The following SHROOM2 variants were observed in gnomAD, a reference collection of about 807,000 sequenced individuals.
SHROOM2 encodes the protein protein Shroom2.
A neutral mutation model predicts 75.9 loss-of-function variants in SHROOM2; 33 were observed. The observed-to-expected ratio is 0.43, with a 90% CI of 0.33 to 0.58. SHROOM2 has a LOEUF of 0.58. SHROOM2 is among the 20% of genes least tolerant of loss of function. The pLI, the probability that SHROOM2 is intolerant of heterozygous loss-of-function variation, is 0.04. For missense variants in SHROOM2, 1,434 were observed against 1,461.2 expected, an observed-to-expected ratio of 0.98 and a Z score of 0.30; for synonymous variants, 655 against 663.6, an observed-to-expected ratio of 0.99 and a Z score of 0.20.
chrX:9,896,348 C>G lies in SHROOM2; in HGVS notation c.2440C>G (p.Gln814Glu). ...CAAACCTGTTCCCCAGAGGCCTGCC[C>G]AGAAGCAAGCTCTTCACGGAATCCC... ...TSKPVPQRPA[Q>E]KQALHGIPRD... The change falls in exon 4 of 10, where the codon CAG (glutamine) becomes GAG (glutamate). Residue 814 changes from glutamine (Q) to glutamate (E), a missense_variant. Around this residue, in one of 3 missense-constraint regions of SHROOM2, gnomAD observed 1,340 missense variants for 1,338.3 expected, o/e 1.00. Transcript: ENST00000380913. The G allele has an allele frequency of 1.6e-6, 2 of 1,212,243 alleles. No homozygotes were observed. The highest frequency in any genetic ancestry group is 4.3e-5 in the Admixed American group (2 of 46,118).
chrX:9,900,505 A>G (rs1048839499), intron 5 of SHROOM2, among the ~76,000 whole-genome samples: 1 of 112,509 alleles, frequency 8.9e-6, no homozygotes, highest in Non-Finnish European at 1.9e-5. Context: ...GATGCGTAGC[A>G]AAAAGTATGT....
At chrX:9,838,655 A>C in intron 1 of SHROOM2, among the ~76,000 whole-genome samples, 1 of 111,943 alleles carries the variant, frequency 8.9e-6, no homozygotes, top group Non-Finnish European at 1.9e-5. Flanking sequence ...CACCCGAGTT[A>C]AGCAAGCAAG....
intron 1 of SHROOM2, among the ~76,000 whole-genome samples, chrX:9,803,106 GT>G (rs1183960163): frequency 0.12 from 11,125 of 92,892 alleles, 1,899 homozygotes; most frequent in African/African-American, 0.42. Flanking sequence ...TTGGTTTTTT[GT>G]TTTTTTTTTT....
chrX:9,919,324 C>CTTTTTTT (rs55905923), intron 5 of SHROOM2, among the ~76,000 whole-genome samples: 3 of 32,456 alleles, frequency 9.2e-5, no homozygotes, highest in African/African-American at 4.0e-4. Context: ...GAGGAGGTTG[C>CTTTTTTT]TTTTTTTTTT....
intron 5 of SHROOM2, among the ~76,000 whole-genome samples, chrX:9,916,167 A>G (rs1189341514): frequency 8.9e-6 from 1 of 112,322 alleles, no homozygotes; most frequent in Non-Finnish European, 1.9e-5. Context: ...AAGCAGAGTG[A>G]GGATATTAAC....
At chrX:9,844,611 G>C (rs751699945) in intron 1 of SHROOM2, among the ~76,000 whole-genome samples, 1 of 111,052 alleles carries the variant, frequency 9.0e-6, no homozygotes, top group Non-Finnish European at 1.9e-5. Context: ...TCAGGAGTTC[G>C]AGACCAGCCT....
intron 2 of SHROOM2, among the ~76,000 whole-genome samples, chrX:9,874,163 T>G (rs1004218057): frequency 4.5e-5 from 5 of 111,970 alleles, no homozygotes; most frequent in Non-Finnish European, 7.5e-5. Flanking sequence ...CTTTCTGTTT[T>G]CATGCTAGAA....
intron 5 of SHROOM2, among the ~76,000 whole-genome samples, chrX:9,923,679 A>T (rs1454368823): frequency 8.9e-6 from 1 of 112,126 alleles, no homozygotes; most frequent in Non-Finnish European, 1.9e-5. Flanking sequence ...GCACAGAGAC[A>T]ATAGAGGCCT....
rs1334647268 is a variant in SHROOM2 at position 9,898,273 on chromosome X, G to A, written c.2874G>A (p.Glu958=). 1.3e-5 allele frequency: 15 copies of A among 1,175,812 alleles called. No individual in the cohort carries two copies. Among genetic ancestry groups the A allele is most frequent in the Non-Finnish European group, 1.7e-5 (15 of 875,836 alleles). ...TTCCCTCCGCAGTCCGGGCCGAGGA[G>A]GGACAGTCCACGCCGAGGTGGGTGA... is the stretch of plus-strand genomic sequence containing the variant. ...EELPSAVRAE[E]GQSTPRQADA... Residue 958 remains glutamate (E), a synonymous_variant, in exon 5 of 10, where the codon GAG becomes GAA. Transcript: ENST00000380913.
chrX:9,786,634 A>T lies in SHROOM2; in HGVS notation c.89A>T (p.Gln30Leu), dbSNP rs1449829267. Residue 30 changes from glutamine (Q) to leucine (L), a missense_variant, in exon 1 of 10, where the codon CAG (glutamine) becomes CTG (leucine). This residue lies in a region of SHROOM2 where 1,340 missense variants were observed against 1,338.3 expected (regional missense o/e 1.00). Coordinates refer to ENST00000380913, the MANE Select transcript of SHROOM2 (RefSeq NM_001649.4). ...GACGGCGGGCGCCTGGTGGAGGTGC[A>T]GCTGAGCGGCGGCGCCCCGTGGGGC... ...AADGGRLVEV[Q>L]LSGGAPWGFT... The T allele has an allele frequency of 2.3e-6, 2 of 882,865 alleles. No individual in the cohort carries two copies. Among genetic ancestry groups the T allele is most frequent in the African/African-American group, 2.1e-5 (1 of 46,787 alleles). The allele number at this position is 882,865 out of a possible 1,213,427, so 72.8% of individuals were successfully genotyped here.
At chrX:9,808,706 A>G (rs1368005659) in intron 1 of SHROOM2, among the ~76,000 whole-genome samples, 2 of 110,419 alleles carry the variant, frequency 1.8e-5, no homozygotes, top group African/African-American at 6.6e-5. Context: ...CACTAAAAAT[A>G]CAAAAATTAG....
chrX:9,885,749 G>A (rs2084257368), intron 2 of SHROOM2, among the ~76,000 whole-genome samples: 1 of 110,608 alleles, frequency 9.0e-6, no homozygotes, highest in African/African-American at 3.3e-5. Context: ...GAGCCCAGGA[G>A]TGTGAGACCA....
intron 5 of SHROOM2, among the ~76,000 whole-genome samples, chrX:9,910,141 C>A (rs1335245201): frequency 9.0e-6 from 1 of 110,938 alleles, no homozygotes; most frequent in Non-Finnish European, 1.9e-5. Context: ...AGCTATAGCA[C>A]CCTCACAGCA....
chrX:9,798,651 G>A (rs902052967), intron 1 of SHROOM2, among the ~76,000 whole-genome samples: 11 of 111,754 alleles, frequency 9.8e-5, no homozygotes, highest in African/African-American at 1.6e-4. Context: ...GCCACTTGAC[G>A]TTTTAAGAAA....
chrX:9,913,836 T>A (rs1376117387), intron 5 of SHROOM2, among the ~76,000 whole-genome samples: 4 of 112,037 alleles, frequency 3.6e-5, no homozygotes, highest in Non-Finnish European at 5.6e-5. Flanking sequence ...ATGTATCATA[T>A]AAAAAAACTG....
chrX:9,937,157 A>C lies in SHROOM2; in HGVS notation c.3611A>C (p.Asn1204Thr), dbSNP rs775987170. ...AGAATTGAGCGGGTGATGGACAACAACACCACGGTGAAGATGGTGCCCATC... is the reference window on the plus strand; with the variant it reads ...AGAATTGAGCGGGTGATGGACAACACCACCACGGTGAAGATGGTGCCCATC... ...STRIERVMDN[N>T]TTVKMVPIKI... Residue 1204 changes from asparagine to threonine, a missense_variant, in exon 7 of 10, where the codon AAC (asparagine) becomes ACC (threonine). By Grantham distance (65) the Asn-to-Thr change is moderately conservative. Coordinates refer to ENST00000380913, the MANE Select transcript of SHROOM2 (RefSeq NM_001649.4). The C allele has an allele frequency of 4.2e-6, 5 of 1,198,913 alleles. No individual in the cohort carries two copies. The East Asian group carries it at 1.2e-4, about 29-fold the overall frequency.
chrX:9,808,931 G>C (rs1053005035), intron 1 of SHROOM2, among the ~76,000 whole-genome samples: 4 of 110,664 alleles, frequency 3.6e-5, no homozygotes, highest in Non-Finnish European at 7.5e-5. Flanking sequence ...AAAGGGTACA[G>C]TTTAGTGGTA....
At chrX:9,853,182 G>A (rs769314984) in intron 1 of SHROOM2, among the ~76,000 whole-genome samples, 1 of 111,535 alleles carries the variant, frequency 9.0e-6, no homozygotes, top group South Asian at 3.8e-4. Context: ...TGGAGGGGTT[G>A]GGTACCCCAG....
In SHROOM2 at chrX:9,896,432, T is replaced by C; in HGVS notation, c.2524T>C (p.Trp842Arg). ...CCGCACATGTGAGGGCACGGAGCCC[T>C]GGTCGCGCACCACCTCCCTTGGGGA... The part of the protein sequence containing the change: ...AGRTCEGTEP[W>R]SRTTSLGDSL... The change falls in exon 4 of 10, where the codon TGG becomes CGG. Residue 842 changes from tryptophan to arginine, a missense_variant. Transcript: ENST00000380913. 2 of 1,211,837 alleles carry C rather than the reference T, an allele frequency of 1.7e-6. No homozygotes were observed. Among genetic ancestry groups the C allele is most frequent in the Non-Finnish European group, 1.1e-6 (1 of 895,509 alleles).
Sources: gnomAD v4.1 joint callset for allele counts (sites outside exome capture counted in the v4.1 genomes callset) on GRCh38, gnomAD v4.1.1 for gene constraint, gnomAD v4.1.1 regional missense constraint, MANE v1.5 for transcripts, NCBI Gene and HGNC (gene_info 2026-07-23, HGNC 2026-07-21) for gene names.